Variants in TRPC4AP observed in about 807,000 individuals in gnomAD.
TRPC4AP encodes the protein transient receptor potential cation channel subfamily C member 4 associated protein.
A neutral mutation model predicts 99.0 loss-of-function variants in TRPC4AP; 45 were observed. That is an observed-to-expected ratio of 0.45 (90% CI 0.36 to 0.58). The LOEUF (loss-of-function observed/expected upper bound fraction) is 0.58. Ranked by LOEUF, TRPC4AP falls within the 20% of genes least tolerant of loss-of-function variation. TRPC4AP has a pLI of 0.00. For synonymous variants in TRPC4AP, 408 were observed against 385.8 expected (o/e 1.06, Z -0.67); for missense variants, 879 against 985.3 (o/e 0.89, Z 1.44).
intron 1 of TRPC4AP, among the ~76,000 whole-genome samples, chr20:35,081,265 C>T (rs1054289152): frequency 2.0e-5 from 3 of 151,972 alleles, no homozygotes; most frequent in African/African-American, 7.3e-5. Context: ...GTTACTGCAG[C>T]ACTTTGGGAG....
Position 35,010,240 on chromosome 20 carries a change from G to A in TRPC4AP, c.1458C>T (p.Ala486=). The change falls in exon 12 of 19, where the codon GCC becomes GCT. Residue 486 remains alanine, a synonymous_variant. Coordinates refer to ENST00000252015, the MANE Select transcript of TRPC4AP (RefSeq NM_015638.3). ...LNNQELNELS[A]ISLKANIPEV... Reference sequence around the variant, plus strand: ...CAGGGATGTTGGCCTTGAGAGAGATGGCACTGAGTTCATTCAGCTCCTGGT... The same window carrying A: ...CAGGGATGTTGGCCTTGAGAGAGATAGCACTGAGTTCATTCAGCTCCTGGT... 6.2e-7 allele frequency: 1 copy of A among 1,614,170 alleles called. No individual in the cohort carries two copies. The highest frequency in any genetic ancestry group is 8.5e-7 in the Non-Finnish European group (1 of 1,180,030).
chr20:35,049,724 A>G (rs929630987), intron 6 of TRPC4AP, 142 bp downstream of exon 6: 2 of 934,440 alleles, frequency 2.1e-6, no homozygotes, highest in African/African-American at 3.4e-5. Flanking sequence ...AGGGGTAATC[A>G]AGTTTTATAC....
intron 1 of TRPC4AP, among the ~76,000 whole-genome samples, chr20:35,080,502 A>T (rs2084607597): frequency 6.6e-6 from 1 of 151,218 alleles, no homozygotes; most frequent in African/African-American, 2.4e-5. Context: ...CCTTGTCTCA[A>T]AACAGAAACA....
At chr20:35,016,926 G>C (rs2147286566) in intron 9 of TRPC4AP, among the ~76,000 whole-genome samples, 1 of 152,254 alleles carries the variant, frequency 6.6e-6, no homozygotes, top group Non-Finnish European at 1.5e-5. Flanking sequence ...TTGGGCATTG[G>C]GTACATTCAC....
At chr20:35,079,826 G>A (rs1408163312) in intron 1 of TRPC4AP, among the ~76,000 whole-genome samples, 1 of 151,052 alleles carries the variant, frequency 6.6e-6, no homozygotes, top group African/African-American at 2.4e-5. Context: ...AGACCAGCCT[G>A]AGCAACATAG....
At chr20:35,074,142 C>T (rs1052457804) in intron 2 of TRPC4AP, among the ~76,000 whole-genome samples, 4 of 152,114 alleles carry the variant, frequency 2.6e-5, no homozygotes, top group Admixed American at 6.5e-5. Context: ...TTTTTTATTG[C>T]ATCTATTTGA....
At chr20:35,075,082 C>T (rs1177774875) in intron 2 of TRPC4AP, among the ~76,000 whole-genome samples, 5 of 129,024 alleles carry the variant, frequency 3.9e-5, no homozygotes, top group African/African-American at 1.3e-4. Context: ...ATTGCAACCC[C>T]TGCTTTTTTT....
chr20:35,026,603 G>T (rs1481566428), intron 8 of TRPC4AP, among the ~76,000 whole-genome samples: 1 of 152,170 alleles, frequency 6.6e-6, no homozygotes, highest in Non-Finnish European at 1.5e-5. Context: ...AAAGTAGTCA[G>T]CTGAGAGTTA....
At chr20:35,047,986 C>T (rs1003122617) in intron 6 of TRPC4AP, among the ~76,000 whole-genome samples, 2 of 152,118 alleles carry the variant, frequency 1.3e-5, no homozygotes, top group Non-Finnish European at 2.9e-5. Context: ...AAACATTTAT[C>T]AGTAGTATAC....
intron 9 of TRPC4AP, among the ~76,000 whole-genome samples, chr20:35,018,604 G>GAAAAAAAAAAAAAAAAAAAAAAAAA (rs11479211): frequency 2.2e-5 from 2 of 88,950 alleles, no homozygotes; most frequent in African/African-American, 4.2e-5. Context: ...CTCAAAAAAA[G>GAAAAAAAAAAAAAAAAAAAAAAAAA]AAAAAAAAAA....
Position 35,092,745 on chromosome 20 carries a change from C to G in TRPC4AP, c.37G>C (p.Gly13Arg), listed in dbSNP as rs754721635. Residue 13 changes from glycine to arginine, a missense_variant, in exon 1 of 19, where the codon GGC becomes CGC. Physicochemically the swap from Gly to Arg is moderately radical, Grantham distance 125. Coordinates refer to ENST00000252015, the MANE Select transcript of TRPC4AP (RefSeq NM_015638.3). The part of the protein sequence containing the change: ...AAPVAAGSGA[G>R]RGRRSAATVA... ...GTGGCTGCCGACCGTCTCCCTCGGCCGGCTCCAGACCCAGCCGCTACCGGC... is the reference window on the plus strand; with the variant it reads ...GTGGCTGCCGACCGTCTCCCTCGGCGGGCTCCAGACCCAGCCGCTACCGGC... 1.9e-6 allele frequency: 3 copies of G among 1,560,114 alleles called. No individual in the cohort carries two copies. Among genetic ancestry groups the G allele is most frequent in the South Asian group, 1.1e-5 (1 of 87,236 alleles).
At chr20:35,059,260 A>G (rs888524346) in intron 3 of TRPC4AP, among the ~76,000 whole-genome samples, 3 of 152,216 alleles carry the variant, frequency 2.0e-5, no homozygotes, top group African/African-American at 7.2e-5. Context: ...TATGGCAACA[A>G]AAGTGATTAT....
intron 8 of TRPC4AP, among the ~76,000 whole-genome samples, chr20:35,031,292 A>G (rs2083186948): frequency 6.7e-6 from 1 of 150,230 alleles, no homozygotes; most frequent in South Asian, 2.1e-4. Context: ...CTGTGATTGC[A>G]GCTCACTACA....
chr20:35,059,791 GA>G (rs2145968092), intron 3 of TRPC4AP, among the ~76,000 whole-genome samples: 2 of 151,960 alleles, frequency 1.3e-5, no homozygotes, highest in African/African-American at 2.4e-5. Flanking sequence ...AGATGAAGAA[GA>G]AGGCGAAGAC....
intron 6 of TRPC4AP, among the ~76,000 whole-genome samples, chr20:35,045,954 C>T (rs1024135271): frequency 6.6e-6 from 1 of 152,180 alleles, no homozygotes; most frequent in African/African-American, 2.4e-5. Context: ...CATGTATGAG[C>T]CACTGTGCCT....
intron 3 of TRPC4AP, among the ~76,000 whole-genome samples, chr20:35,063,582 G>C (rs764984190): frequency 6.6e-6 from 1 of 152,120 alleles, no homozygotes; most frequent in Non-Finnish European, 1.5e-5. Flanking sequence ...TTGCTGGGGA[G>C]GCAGGGTGGC....
chr20:35,040,165 C>A (rs189825883), intron 7 of TRPC4AP, among the ~76,000 whole-genome samples: 1 of 151,674 alleles, frequency 6.6e-6, no homozygotes, highest in Non-Finnish European at 1.5e-5. Flanking sequence ...TTAGGGAATG[C>A]GGTGGTGTGA....
chr20:35,031,234 A>AT (rs552251021), intron 8 of TRPC4AP, among the ~76,000 whole-genome samples: 108 of 141,542 alleles, frequency 7.6e-4, no homozygotes, highest in African/African-American at 1.2e-3. Context: ...ATCTTTCAGG[A>AT]TTTTTTTTTT....
chr20:35,035,421 C>A, intron 7 of TRPC4AP, 113 bp from the exon 8 acceptor site: 1 of 1,101,780 alleles, frequency 9.1e-7, no homozygotes. Flanking sequence ...CTGATAGTAG[C>A]TAAAGCTACT....
Sources: gnomAD v4.1 joint callset for allele counts (sites outside exome capture counted in the v4.1 genomes callset) on GRCh38, gnomAD v4.1.1 for gene constraint, MANE v1.5 for transcripts, NCBI Gene and HGNC (gene_info 2026-07-23, HGNC 2026-07-21) for gene names.